ZDHHC4: variants seen among roughly 807,000 people sequenced by gnomAD.
The protein encoded by ZDHHC4 is zDHHC palmitoyltransferase 4, also known as palmitoyltransferase ZDHHC4.
A neutral mutation model predicts 36.7 loss-of-function variants in ZDHHC4; 42 were observed. That is an observed-to-expected ratio of 1.14 (90% CI 0.89 to 1.48). ZDHHC4 has a LOEUF of 1.48. Ranked by LOEUF, ZDHHC4 falls within the 40% of genes most tolerant of loss-of-function variation. ZDHHC4 has a pLI of 0.00. For synonymous variants in ZDHHC4, 189 were observed against 166.6 expected, an observed-to-expected ratio of 1.13 and a Z score of -1.03; for missense variants, 457 against 421.5, an observed-to-expected ratio of 1.08 and a Z score of -0.74.
chr7:6,585,797 C>A (rs1052900060), intron 7 of ZDHHC4, among the ~76,000 whole-genome samples: 1 of 151,354 alleles, frequency 6.6e-6, no homozygotes, highest in African/African-American at 2.4e-5. Flanking sequence ...CAGAGCAAGA[C>A]CCTGTCTCAG....
intron 6 of ZDHHC4, among the ~76,000 whole-genome samples, chr7:6,584,596 A>G (rs1430688604): frequency 6.6e-6 from 1 of 152,154 alleles, no homozygotes; most frequent in Non-Finnish European, 1.5e-5. Context: ...TAAAAAGACA[A>G]CTGTAAATTT....
rs1434516655 is a variant in ZDHHC4, at chr7:6,581,596, TTTTG to T, written c.118-7_118-4del. On this transcript the variant is annotated splice_polypyrimidine_tract_variant and splice_region_variant and intron_variant, in intron 3 of 7. Transcript: ENST00000335965. The stretch of plus-strand genomic sequence containing the variant: ...AATGAAATTGAGTCTTTCTCTTTCC[TTTTG>T]TTTCAGATATTTTCCTGTATAATTC... The T allele has an allele frequency of 6.2e-7, 1 of 1,603,064 alleles. No individual in the cohort carries two copies. The highest frequency in any genetic ancestry group is 1.1e-5 in the South Asian group (1 of 90,624).
At chr7:6,580,874 C>T (rs528036613) in intron 3 of ZDHHC4, 196 bp downstream of exon 3, 1 of 585,310 alleles carries the variant, frequency 1.7e-6, no homozygotes, top group African/African-American at 1.9e-5. Flanking sequence ...TATGATCACG[C>T]CACTGCACTC....
At chr7:6,587,951 C>A (rs1357072648) in intron 7 of ZDHHC4, among the ~76,000 whole-genome samples, 1 of 152,198 alleles carries the variant, frequency 6.6e-6, no homozygotes, top group African/African-American at 2.4e-5. Context: ...CTGTAACCTT[C>A]ACCGCCCGGG....
chr7:6,582,410 C>T (rs569661666), intron 5 of ZDHHC4, 159 bp downstream of exon 5: 394 of 690,570 alleles, frequency 5.7e-4, no homozygotes, highest in Middle Eastern at 3.3e-3. Context: ...TTTTTTTTTT[C>T]TTCTTCAACC....
chr7:6,581,753 T>G, intron 4 of ZDHHC4, 73 bp downstream of exon 4: 1 of 1,264,566 alleles, frequency 7.9e-7, no homozygotes, highest in South Asian at 1.3e-5. Flanking sequence ...TCCTCTAGCT[T>G]CAGGAAGCTC....
intron 2 of ZDHHC4, among the ~76,000 whole-genome samples, chr7:6,579,616 T>C (rs191669696): frequency 8.5e-5 from 13 of 152,336 alleles, no homozygotes; most frequent in African/African-American, 3.1e-4. Context: ...TGCCTGATTC[T>C]GGGTGCAGGG....
intron 2 of ZDHHC4, among the ~76,000 whole-genome samples, chr7:6,579,905 G>A (rs899577956): frequency 2.0e-5 from 3 of 152,034 alleles, no homozygotes; most frequent in African/African-American, 7.2e-5. Context: ...GGAGGCCGAG[G>A]CAGGTGGATC....
At chr7:6,582,442 TA>T in intron 5 of ZDHHC4, 191 bp downstream of exon 5, 1 of 574,472 alleles carries the variant, frequency 1.7e-6, no homozygotes, top group Non-Finnish European at 3.0e-6. Context: ...TAAAACCACT[TA>T]AAATTTTTAG....
At chr7:6,581,783 T>A in intron 4 of ZDHHC4, 103 bp downstream of exon 4, 1 of 1,002,690 alleles carries the variant, frequency 1.0e-6, no homozygotes, top group Non-Finnish European at 1.5e-6. Context: ...TCCAGCATGG[T>A]GAGGGAAAGA....
chr7:6,582,392 T>C (rs1217812376), intron 5 of ZDHHC4, 141 bp downstream of exon 5: 1 of 855,804 alleles, frequency 1.2e-6, no homozygotes, highest in East Asian at 2.5e-5. Context: ...GTTTTGAGTG[T>C]TTTCTAATTT....
intron 5 of ZDHHC4, among the ~76,000 whole-genome samples, chr7:6,582,870 C>A (rs1364025250): frequency 2.0e-5 from 3 of 152,050 alleles, no homozygotes; most frequent in African/African-American, 7.3e-5. Flanking sequence ...TCAATAAAGC[C>A]ATTATTAAAA....
chr7:6,583,618 G>C, intron 6 of ZDHHC4, 187 bp downstream of exon 6: 1 of 715,456 alleles, frequency 1.4e-6, no homozygotes, highest in Non-Finnish European at 2.2e-6. Context: ...GTGTTCCTGT[G>C]TAGTAGACAG....
intron 6 of ZDHHC4, 79 bp downstream of exon 6, chr7:6,583,510 A>T (rs1781016921): frequency 6.5e-7 from 1 of 1,532,976 alleles, no homozygotes; most frequent in Non-Finnish European, 8.8e-7. Context: ...ATGTTTCCTG[A>T]ATCCGAAAGC....
intron 3 of ZDHHC4, 71 bp from the exon 4 acceptor site, chr7:6,581,536 A>G (rs1583381251): frequency 8.7e-7 from 1 of 1,153,640 alleles, no homozygotes; most frequent in East Asian, 2.3e-5. Flanking sequence ...CTGTATGTGG[A>G]GTGTCTGATT....
intron 6 of ZDHHC4, among the ~76,000 whole-genome samples, chr7:6,584,488 G>C (rs1343945832): frequency 6.6e-6 from 1 of 152,094 alleles, no homozygotes; most frequent in East Asian, 1.9e-4. Flanking sequence ...CTTTAAAGCA[G>C]GAACACCAGT....
In ZDHHC4 at chr7:6,582,107, C is replaced by A; in HGVS notation, c.226C>A (p.Gln76Lys). Residue 76 changes from glutamine to lysine, a missense_variant, in exon 5 of 8, where the codon CAA becomes AAA. By Grantham distance (53) the Gln-to-Lys change is moderately conservative. Coordinates refer to ENST00000335965, the MANE Select transcript of ZDHHC4 (RefSeq NM_001134389.2). ...CTTCATTGTCCTGCACCTGGTCTTG[C>A]AAGGGATGGTTTATACTGAGTACAC... The part of the protein sequence containing the change: ...HTFIVLHLVL[Q>K]GMVYTEYTWE... 1.9e-5 allele frequency: 30 copies of A among 1,614,086 alleles called. No homozygotes were observed. The highest frequency in any genetic ancestry group is 2.5e-5 in the Non-Finnish European group (30 of 1,179,978).
At chr7:6,577,706 A>G (rs1010482314) in intron 1 of ZDHHC4, 1 of 152,238 alleles carries the variant, frequency 6.6e-6, no homozygotes, top group African/African-American at 2.4e-5. Flanking sequence ...ATCTCCGACC[A>G]GGCCCGCCCA....
At chr7:6,579,499 C>G (rs1780690888) in intron 2 of ZDHHC4, among the ~76,000 whole-genome samples, 1 of 152,176 alleles carries the variant, frequency 6.6e-6, no homozygotes, top group Non-Finnish European at 1.5e-5. Flanking sequence ...CACGCTCGGC[C>G]TCAGTATCCA....
Sources: allele counts gnomAD v4.1 joint callset (sites outside exome capture counted in the v4.1 genomes callset), GRCh38; gene constraint gnomAD v4.1.1; transcripts MANE v1.5; gene names NCBI Gene and HGNC (gene_info 2026-07-23, HGNC 2026-07-21).